ONECUT1: variants seen among roughly 807,000 people sequenced by gnomAD.
ONECUT1 encodes the protein one cut homeobox 1, also known as hepatocyte nuclear factor 6.
A neutral mutation model predicts 25.6 loss-of-function variants in ONECUT1; 12 were observed. That is an observed-to-expected ratio of 0.47 (90% CI 0.30 to 0.76). The LOEUF is 0.76. Among genes scored for constraint, ONECUT1 ranks in the 30% least tolerant of loss-of-function variants. The pLI is 0.07. For synonymous variants in ONECUT1, 285 were observed against 270.2 expected (o/e 1.05, Z -0.54); for missense variants, 620 against 651.2 (o/e 0.95, Z 0.52).
chr15:52,758,917 C>A (rs2083689447), intron 1 of ONECUT1, among the ~76,000 whole-genome samples: 1 of 152,092 alleles, frequency 6.6e-6, no homozygotes, highest in Non-Finnish European at 1.5e-5. Flanking sequence ...CACCATCAAT[C>A]AATCCTCACA....
intron 1 of ONECUT1, among the ~76,000 whole-genome samples, chr15:52,762,464 C>T (rs914573416): frequency 3.9e-5 from 6 of 152,202 alleles, no homozygotes; most frequent in African/African-American, 1.4e-4. Flanking sequence ...ATGTCTTATA[C>T]AATATTAATG....
At chr15:52,772,285 T>C (rs1566990984) in intron 1 of ONECUT1, among the ~76,000 whole-genome samples, 2 of 151,878 alleles carry the variant, frequency 1.3e-5, no homozygotes, top group Admixed American at 6.6e-5. Context: ...TCCCAGCTAC[T>C]TGGGAGGCTG....
intron 1 of ONECUT1, among the ~76,000 whole-genome samples, chr15:52,764,716 A>G (rs1304195475): frequency 1.3e-5 from 2 of 152,224 alleles, no homozygotes; most frequent in East Asian, 1.9e-4. Context: ...CTGCCTTGAC[A>G]TCTAAGGACA....
At chr15:52,776,518 A>G (rs546058994) in intron 1 of ONECUT1, among the ~76,000 whole-genome samples, 142 of 152,138 alleles carry the variant, frequency 9.3e-4, no homozygotes, top group African/African-American at 3.3e-3. Context: ...TTTTCCTCCC[A>G]TTATCTTCCT....
At position 52,789,377 on chromosome 15, in the gene ONECUT1, T is replaced by C. The variant is rs1281058544; in HGVS notation, c.508A>G (p.Lys170Glu). 6.2e-7 allele frequency: 1 copy of C among 1,611,008 alleles called. No individual in the cohort carries two copies. The highest frequency in any genetic ancestry group is 1.7e-5 in the Admixed American group (1 of 59,784). ...SMNNLYTPYH[K>E]DVAGMGQSLS... The stretch of plus-strand genomic sequence containing the variant: ...CTCTGGCCCATGCCGGCCACGTCCT[T>C]GTGGTAGGGGGTATAGAGGTTATTC... The change falls in exon 1 of 2, where the codon AAG becomes GAG. Residue 170 changes from lysine (K) to glutamate (E), a missense_variant. This residue lies in a region of ONECUT1 where 440 missense variants were observed against 404.9 expected (regional missense o/e 1.09). Coordinates refer to ENST00000305901, the MANE Select transcript of ONECUT1 (RefSeq NM_004498.4). The surrounding 1 kb of genome is among the most constrained non-coding windows in gnomAD (Gnocchi z 4.1).
rs2083890519 is a variant in ONECUT1, at chr15:52,788,318, C to G, written c.1105+462G>C. On this transcript the variant is annotated intron_variant, in intron 1 of 1. Coordinates refer to ENST00000305901, the MANE Select transcript of ONECUT1 (RefSeq NM_004498.4). This position sits in a 1 kb window ranked among gnomAD's most constrained non-coding sequence, Gnocchi z 4.3. ...AGCAGCCAGTTCGGCCAAACATCGA[C>G]GCTGCTCCGGCACGCTCCAGCCCAG... The G allele has an allele frequency of 6.2e-6, 1 of 160,980 alleles. No individual in the cohort carries two copies. The highest frequency in any genetic ancestry group is 2.4e-5 in the African/African-American group (1 of 41,828). The allele number at this position is 160,980 out of a possible 1,614,324, so 10.0% of individuals were successfully genotyped here.
At chr15:52,771,438 TGTGTGTG>T (rs2083766822) in intron 1 of ONECUT1, among the ~76,000 whole-genome samples, 1 of 69,160 alleles carries the variant, frequency 1.4e-5, no homozygotes, top group Admixed American at 1.3e-4. Flanking sequence ...AAAAAGCAAG[TGTGTGTG>T]TGTGTGTGTG....
intron 1 of ONECUT1, among the ~76,000 whole-genome samples, chr15:52,762,075 G>A (rs1448396260): frequency 6.6e-6 from 1 of 152,158 alleles, no homozygotes; most frequent in Non-Finnish European, 1.5e-5. Flanking sequence ...CTCACTCATG[G>A]GAAAGTAAAT....
intron 1 of ONECUT1, chr15:52,787,026 G>A (rs1431278939): frequency 6.6e-6 from 1 of 152,556 alleles, no homozygotes; most frequent in Non-Finnish European, 1.5e-5. Context: ...TGGAGAGACG[G>A]AGCAGTCAGG....
At chr15:52,787,559 C>T (rs2083884481) in intron 1 of ONECUT1, among the ~76,000 whole-genome samples, 1 of 151,216 alleles carries the variant, frequency 6.6e-6, no homozygotes. Flanking sequence ...AACAAACCCT[C>T]ATTCCGGCTT....
intron 1 of ONECUT1, among the ~76,000 whole-genome samples, chr15:52,775,410 C>A (rs1378794433): frequency 1.3e-5 from 2 of 150,364 alleles, no homozygotes; most frequent in African/African-American, 4.9e-5. Flanking sequence ...AGAAAGTTAT[C>A]TTTTGGGAGA....
At chr15:52,777,781 T>C (rs2083813928) in intron 1 of ONECUT1, among the ~76,000 whole-genome samples, 1 of 151,418 alleles carries the variant, frequency 6.6e-6, no homozygotes, top group Non-Finnish European at 1.5e-5. Flanking sequence ...TGCTAGACTG[T>C]GAGTTCCAAA....
chr15:52,782,198 G>T (rs552707018), intron 1 of ONECUT1, among the ~76,000 whole-genome samples: 1 of 152,256 alleles, frequency 6.6e-6, no homozygotes, highest in Admixed American at 6.5e-5. Context: ...AAAATTTCTA[G>T]AAATTAATTT....
intron 1 of ONECUT1, among the ~76,000 whole-genome samples, chr15:52,766,222 A>G (rs572182589): frequency 6.6e-5 from 10 of 150,610 alleles, no homozygotes; most frequent in Non-Finnish European, 1.3e-4. Context: ...TGAGGTAGAA[A>G]TAGGTATTCT....
intron 1 of ONECUT1, among the ~76,000 whole-genome samples, chr15:52,762,938 T>G (rs371942745): frequency 6.6e-6 from 1 of 151,818 alleles, no homozygotes; most frequent in African/African-American, 2.4e-5. Context: ...AAACCCCCAA[T>G]TGGAGGTTAT....
At position 52,789,358 on chromosome 15, in the gene ONECUT1, C is replaced by A. The variant is rs760306582; in HGVS notation, c.527G>T (p.Gly176Val). 6 of 1,605,582 alleles carry A rather than the reference C, an allele frequency of 3.7e-6. No homozygotes were observed. The highest frequency in any genetic ancestry group is 5.1e-6 in the Non-Finnish European group (6 of 1,175,156). ...GCTGGAGAGGGGCGAGAGGCTCTGG[C>A]CCATGCCGGCCACGTCCTTGTGGTA... The part of the protein sequence containing the change: ...TPYHKDVAGM[G>V]QSLSPLSSSG... Residue 176 changes from glycine to valine, a missense_variant, in exon 1 of 2, where the codon GGC becomes GTC. Physicochemically the swap from Gly to Val is moderately radical, Grantham distance 109. This residue lies in a region of ONECUT1 where 440 missense variants were observed against 404.9 expected (regional missense o/e 1.09). Transcript: ENST00000305901. This position sits in a 1 kb window ranked among gnomAD's most constrained non-coding sequence, Gnocchi z 4.1.
intron 1 of ONECUT1, among the ~76,000 whole-genome samples, chr15:52,772,831 G>A (rs578184747): frequency 2.0e-5 from 3 of 152,286 alleles, no homozygotes; most frequent in African/African-American, 7.2e-5. Context: ...GCTTGTTTTA[G>A]GGTTGTTACA....
At chr15:52,765,468 G>A (rs1353270111) in intron 1 of ONECUT1, among the ~76,000 whole-genome samples, 1 of 152,230 alleles carries the variant, frequency 6.6e-6, no homozygotes, top group East Asian at 1.9e-4. Context: ...TGTGCATTGA[G>A]CCCTGAAGAC....
Position 52,789,741 on chromosome 15 carries a change from C to T in ONECUT1, c.144G>A (p.Ala48=). The part of the protein sequence containing the change: ...VAHRGSHLPP[A]HPRSMGMASL... ...ACGCCATGCCCATGGAGCGCGGGTG[C>T]GCGGGGGGCAGGTGGCTGCCGCGGT... is the stretch of plus-strand genomic sequence containing the variant. The change falls in exon 1 of 2, where the codon GCG becomes GCA. Residue 48 remains alanine (A), a synonymous_variant. Transcript: ENST00000305901. This position sits in a 1 kb window ranked among gnomAD's most constrained non-coding sequence, Gnocchi z 4.1. The T allele has an allele frequency of 1.4e-6, 2 of 1,409,584 alleles. No individual in the cohort carries two copies. The highest frequency in any genetic ancestry group is 9.2e-7 in the Non-Finnish European group (1 of 1,091,500). The allele number at this position is 1,409,584 out of a possible 1,614,324, so 87.3% of individuals were successfully genotyped here. A position where few individuals can be genotyped will look rare whatever the true frequency, so the allele number is the denominator to read the frequency against.
Sources: gnomAD v4.1 joint callset for allele counts (sites outside exome capture counted in the v4.1 genomes callset) on GRCh38, gnomAD v4.1.1 for gene constraint, gnomAD v4.1.1 regional missense constraint, Gnocchi (gnomAD v3.1) non-coding constraint, MANE v1.5 for transcripts, NCBI Gene and HGNC (gene_info 2026-07-23, HGNC 2026-07-21) for gene names.